The following UBE2D2 variants were observed in gnomAD, a reference collection of about 807,000 sequenced individuals.
UBE2D2 encodes the protein ubiquitin conjugating enzyme E2 D2.
UBE2D2 carries 2 observed loss-of-function variants against 24.2 expected under a neutral mutation model. That is an observed-to-expected ratio of 0.08 (90% CI 0.03 to 0.26). The LOEUF (loss-of-function observed/expected upper bound fraction) is 0.26, where lower values mean the gene tolerates loss of function less well. Ranked by LOEUF, UBE2D2 falls within the 10% of genes least tolerant of loss-of-function variation. UBE2D2 has a pLI of 1.00. For missense variants in UBE2D2, 44 were observed against 177.6 expected, an observed-to-expected ratio of 0.25 and a Z score of 4.28; for synonymous variants, 58 against 56.5, an observed-to-expected ratio of 1.03 and a Z score of -0.12.
chr5:139,549,265 C>T (rs973325791), intron 1 of UBE2D2, among the ~76,000 whole-genome samples: 4 of 152,202 alleles, frequency 2.6e-5, no homozygotes, highest in Admixed American at 2.6e-4. Flanking sequence ...CCCTTCAGCC[C>T]GCCGCTGCAC....
At chr5:139,569,680 A>G (rs1051366846) in intron 1 of UBE2D2, among the ~76,000 whole-genome samples, 3 of 152,198 alleles carry the variant, frequency 2.0e-5, no homozygotes, top group African/African-American at 7.2e-5. Context: ...ATAGAATCAT[A>G]AAATGTTAGC....
intron 1 of UBE2D2, among the ~76,000 whole-genome samples, chr5:139,577,815 A>C (rs1753512009): frequency 2.0e-5 from 3 of 152,058 alleles, no homozygotes; most frequent in African/African-American, 7.2e-5. Context: ...ATCTCCCCCC[A>C]CCACCACATT....
chr5:139,536,093 TTTTATTTA>T (rs775149554), intron 1 of UBE2D2, among the ~76,000 whole-genome samples: 1 of 150,928 alleles, frequency 6.6e-6, no homozygotes, highest in African/African-American at 2.4e-5. Flanking sequence ...TTATTTATTA[TTTTATTTA>T]TTTATTTATT....
At position 139,604,577 on chromosome 5, in the gene UBE2D2, T is replaced by A. The variant is rs543602905; in HGVS notation, c.88+4142T>A. ...TCAACATCATTTGTCATTAGGGAAA[T>A]ACAAATCAAAACTACAGTGAAGAAG... On this transcript the variant is annotated intron_variant, in intron 2 of 6. Transcript: ENST00000398733. Among the ~76,000 whole-genome samples the A allele has an allele frequency of 3.7e-3, 557 of 152,188 alleles. 2 individuals carry two copies. The highest frequency in any genetic ancestry group is 5.8e-3 in the Non-Finnish European group (394 of 68,004).
At chr5:139,529,801 T>C (rs982698678) in intron 1 of UBE2D2, among the ~76,000 whole-genome samples, 4 of 152,218 alleles carry the variant, frequency 2.6e-5, no homozygotes, top group African/African-American at 9.6e-5. Flanking sequence ...ATGAACTAAA[T>C]GTGCCAGTAC....
chr5:139,548,574 C>T (rs1164043837), intron 1 of UBE2D2, among the ~76,000 whole-genome samples: 1 of 152,134 alleles, frequency 6.6e-6, no homozygotes, highest in East Asian at 1.9e-4. Context: ...TGGCTAGGAG[C>T]AGTCTTTTAT....
intron 1 of UBE2D2, among the ~76,000 whole-genome samples, chr5:139,547,065 C>G (rs1752841303): frequency 6.6e-6 from 1 of 151,596 alleles, no homozygotes; most frequent in African/African-American, 2.4e-5. Context: ...CTGATACGGG[C>G]GGATCACGAG....
chr5:139,550,991 C>T (rs1339245219), intron 1 of UBE2D2, among the ~76,000 whole-genome samples: 1 of 152,170 alleles, frequency 6.6e-6, no homozygotes, highest in African/African-American at 2.4e-5. Context: ...GCTCTCAGCA[C>T]CACTGACCTT....
intron 1 of UBE2D2, among the ~76,000 whole-genome samples, chr5:139,563,540 C>CT (rs1254395302): frequency 6.6e-6 from 1 of 152,174 alleles, no homozygotes; most frequent in Non-Finnish European, 1.5e-5. Flanking sequence ...CTTATAGAAT[C>CT]TAACTGGGAA....
intron 1 of UBE2D2, among the ~76,000 whole-genome samples, chr5:139,593,254 A>G (rs937085368): frequency 2.0e-5 from 3 of 152,084 alleles, no homozygotes; most frequent in Admixed American, 6.6e-5. Context: ...TCGGCCTCCC[A>G]AAGTGCTGGG....
chr5:139,580,678 G>T (rs1011880542), intron 1 of UBE2D2, among the ~76,000 whole-genome samples: 2 of 151,926 alleles, frequency 1.3e-5, no homozygotes, highest in Admixed American at 6.6e-5. Context: ...ATCTCCTGAC[G>T]TCATGATCCA....
At chr5:139,610,204 C>G (rs1754285000) in intron 2 of UBE2D2, among the ~76,000 whole-genome samples, 1 of 152,126 alleles carries the variant, frequency 6.6e-6, no homozygotes, top group South Asian at 2.1e-4. Context: ...AATGAAGAGT[C>G]TACCATACGA....
chr5:139,610,420 A>C (rs962309192), intron 2 of UBE2D2, among the ~76,000 whole-genome samples: 1 of 152,062 alleles, frequency 6.6e-6, no homozygotes, highest in African/African-American at 2.4e-5. Context: ...GTGTGCCTGT[A>C]ATCCCAGCTA....
rs1419139026 is a variant in UBE2D2 at position 139,582,909 on chromosome 5, A to G, written c.25-17463A>G. Among the ~76,000 whole-genome samples, 8 of 150,156 alleles carry G rather than the reference A, an allele frequency of 5.3e-5. No individual in the cohort carries two copies. The East Asian group carries it at 1.6e-3, about 30-fold the overall frequency. ...ATGGTCTTGATCTCCTGACCTCATGATCTGCCCGCCTCGGCCTCCCAAAGT... is the reference window on the plus strand; with the variant it reads ...ATGGTCTTGATCTCCTGACCTCATGGTCTGCCCGCCTCGGCCTCCCAAAGT... On this transcript the variant is annotated intron_variant, in intron 1 of 6. Transcript: ENST00000398733.
At chr5:139,534,165 T>C (rs1752633465) in intron 1 of UBE2D2, among the ~76,000 whole-genome samples, 1 of 151,860 alleles carries the variant, frequency 6.6e-6, no homozygotes, top group South Asian at 2.1e-4. Flanking sequence ...AGGCACAGTG[T>C]CTCACACCTG....
chr5:139,563,908 C>T (rs1581493907), intron 1 of UBE2D2, among the ~76,000 whole-genome samples: 1 of 151,882 alleles, frequency 6.6e-6, no homozygotes, highest in East Asian at 2.0e-4. Flanking sequence ...GCACTCCAGC[C>T]TGGGCCACAG....
At chr5:139,569,225 T>C (rs1403892988) in intron 1 of UBE2D2, among the ~76,000 whole-genome samples, 1 of 152,168 alleles carries the variant, frequency 6.6e-6, no homozygotes, top group Non-Finnish European at 1.5e-5. Flanking sequence ...TTTTCCCCAC[T>C]AAAAAAGTAT....
intron 6 of UBE2D2, 151 bp downstream of exon 6, chr5:139,623,612 T>C: frequency 1.9e-6 from 1 of 515,218 alleles, no homozygotes; most frequent in Non-Finnish European, 3.5e-6. Context: ...ATATATGCAT[T>C]GAGTATTATT....
intron 1 of UBE2D2, among the ~76,000 whole-genome samples, chr5:139,576,372 A>G (rs528023000): frequency 4.6e-5 from 7 of 152,106 alleles, no homozygotes; most frequent in Non-Finnish European, 7.4e-5. Flanking sequence ...TTGTGGCTAC[A>G]TCACTCCAGC....
Sources: gnomAD v4.1 joint callset for allele counts (sites outside exome capture counted in the v4.1 genomes callset) on GRCh38, gnomAD v4.1.1 for gene constraint, MANE v1.5 for transcripts, NCBI Gene and HGNC (gene_info 2026-07-23, HGNC 2026-07-21) for gene names.